The following IMMP2L variants were observed in gnomAD, a reference collection of about 807,000 sequenced individuals.
IMMP2L encodes the protein mitochondrial inner membrane protease subunit 2.
In IMMP2L, 18 loss-of-function variants were observed where a neutral mutation model predicts 19.3. The ratio of observed to expected loss-of-function variants is 0.93; its 90% CI spans 0.64 to 1.38. The LOEUF is 1.38. Among genes scored for constraint, IMMP2L ranks in the 40% most tolerant of loss-of-function variants. The pLI, the probability that IMMP2L is intolerant of heterozygous loss-of-function variation, is 0.00. For synonymous variants in IMMP2L, 76 were observed against 73.0 expected (o/e 1.04, Z -0.21); for missense variants, 233 against 218.2 (o/e 1.07, Z -0.43).
At chr7:111,102,338 T>C (rs191250877) in intron 3 of IMMP2L, among the ~76,000 whole-genome samples, 351 of 151,576 alleles carry the variant, frequency 2.3e-3, no homozygotes, top group Admixed American at 5.0e-3. Context: ...CTCAACCCTA[T>C]AGAGAAACTC....
At chr7:111,561,084 G>C (rs1791987672) in intron 1 of IMMP2L, among the ~76,000 whole-genome samples, 1 of 152,186 alleles carries the variant, frequency 6.6e-6, no homozygotes, top group Admixed American at 6.5e-5. Context: ...TGTGAGAGGA[G>C]CTGTGTTTCA....
intron 5 of IMMP2L, among the ~76,000 whole-genome samples, chr7:110,814,606 T>A (rs993996239): frequency 6.0e-5 from 9 of 150,406 alleles, no homozygotes; most frequent in Non-Finnish European, 1.2e-4. Context: ...TTTCTTTTTT[T>A]CTTCTATTTC....
chr7:111,304,355 A>T (rs909243790), intron 3 of IMMP2L, among the ~76,000 whole-genome samples: 3 of 152,060 alleles, frequency 2.0e-5, no homozygotes, highest in African/African-American at 7.2e-5. Flanking sequence ...AACAAAAAAT[A>T]TATGAATGGA....
At chr7:110,915,202 TAG>T in intron 4 of IMMP2L, among the ~76,000 whole-genome samples, 1 of 135,550 alleles carries the variant, frequency 7.4e-6, no homozygotes, top group East Asian at 2.0e-4. Context: ...TGTCCATCTA[TAG>T]ATTATCAGAT....
chr7:111,049,977 C>A (rs989893817), intron 3 of IMMP2L, among the ~76,000 whole-genome samples: 2 of 152,154 alleles, frequency 1.3e-5, no homozygotes, highest in African/African-American at 4.8e-5. Flanking sequence ...CCAAAGAAAT[C>A]TAAGAAACAG....
rs777862357 is a variant in IMMP2L, at chr7:111,556,018, G to GTGTATATATATATATATATATA, written c.-3+5832_-3+5833insTATATATATATATATATATACA. On this transcript the variant is annotated intron_variant, in intron 1 of 5. Transcript: ENST00000405709. ...TTAGCCATCCCTCTTCTGTGTGCATGTATATATATATATATATACATACCC... is the reference window on the plus strand; with the variant it reads ...TTAGCCATCCCTCTTCTGTGTGCATGTGTATATATATATATATATATATATATATATATATATATACATACCC... 2.2e-3 allele frequency among the ~76,000 whole-genome samples: 199 copies of GTGTATATATATATATATATATA among 91,358 alleles called. 8 individuals carry two copies. Among genetic ancestry groups the GTGTATATATATATATATATATA allele is most frequent in the Admixed American group, 5.4e-3 (40 of 7,396 alleles). 59.9% of individuals were successfully genotyped at this position (91,358 alleles called of 152,430 possible). A position where few individuals can be genotyped will look rare whatever the true frequency, so the allele number is the denominator to read the frequency against.
chr7:111,169,820 T>C (rs1403404984), intron 3 of IMMP2L, among the ~76,000 whole-genome samples: 2 of 151,920 alleles, frequency 1.3e-5, no homozygotes, highest in Admixed American at 1.3e-4. Flanking sequence ...AATTCATTCA[T>C]GAAGAAATGT....
chr7:111,539,220 AAG>A (rs1848268351), intron 1 of IMMP2L, among the ~76,000 whole-genome samples: 1 of 116,224 alleles, frequency 8.6e-6, no homozygotes, highest in Non-Finnish European at 1.8e-5. Context: ...GAAAGAAAGA[AAG>A]AAAGAAAGAA....
chr7:111,365,044 AC>A (rs1159070535), intron 3 of IMMP2L, among the ~76,000 whole-genome samples: 1 of 152,112 alleles, frequency 6.6e-6, no homozygotes, highest in Non-Finnish European at 1.5e-5. Context: ...ATCCATTATA[AC>A]AAAAAGTACA....
At chr7:111,164,354 C>G (rs1257780354) in intron 3 of IMMP2L, among the ~76,000 whole-genome samples, 2 of 151,286 alleles carry the variant, frequency 1.3e-5, no homozygotes, top group East Asian at 3.9e-4. Context: ...GACAAGTAAG[C>G]AGCAGAGGGA....
chr7:111,453,882 G>T (rs1184575563), intron 3 of IMMP2L, among the ~76,000 whole-genome samples: 4 of 152,110 alleles, frequency 2.6e-5, no homozygotes, highest in African/African-American at 9.7e-5. Context: ...TAAGTTAATG[G>T]ATCAATGAGT....
At chr7:110,679,181 A>G (rs1427714507) in intron 5 of IMMP2L, among the ~76,000 whole-genome samples, 4 of 152,126 alleles carry the variant, frequency 2.6e-5, no homozygotes, top group Non-Finnish European at 5.9e-5. Flanking sequence ...CTCCGGGGGT[A>G]TCTCCAGCTA....
chr7:111,556,018 G>GTGTGTGTATATATATATATATATA lies in IMMP2L; in HGVS notation c.-3+5832_-3+5833insTATATATATATATATATACACACA, dbSNP rs777862357. ...TTAGCCATCCCTCTTCTGTGTGCAT[G>GTGTGTGTATATATATATATATATA]TATATATATATATATATACATACCC... On this transcript the variant is annotated intron_variant, in intron 1 of 5. Coordinates refer to ENST00000405709, the MANE Select transcript of IMMP2L (RefSeq NM_032549.4). 6.2e-3 allele frequency among the ~76,000 whole-genome samples: 567 copies of GTGTGTGTATATATATATATATATA among 91,312 alleles called. 22 individuals carry two copies. Among genetic ancestry groups the GTGTGTGTATATATATATATATATA allele is most frequent in the African/African-American group, 7.3e-3 (201 of 27,614 alleles). The allele number at this position is 91,312 out of a possible 152,430, so 59.9% of individuals were successfully genotyped here.
At chr7:110,688,778 G>C (rs1453650130) in intron 5 of IMMP2L, among the ~76,000 whole-genome samples, 2 of 151,972 alleles carry the variant, frequency 1.3e-5, no homozygotes, top group Non-Finnish European at 2.9e-5. Context: ...ACTGTGAATA[G>C]TGAAATCTTA....
intron 3 of IMMP2L, among the ~76,000 whole-genome samples, chr7:110,982,955 C>G (rs1476166918): frequency 6.6e-6 from 1 of 151,982 alleles, no homozygotes; most frequent in East Asian, 1.9e-4. Flanking sequence ...GATTAAAGAT[C>G]ATTAATTATA....
At chr7:111,101,625 CT>C (rs1797990229) in intron 3 of IMMP2L, among the ~76,000 whole-genome samples, 1 of 151,126 alleles carries the variant, frequency 6.6e-6, no homozygotes, top group South Asian at 2.1e-4. Flanking sequence ...GGTATACTGT[CT>C]TGTATATTTC....
chr7:110,893,553 A>G (rs577327282), intron 4 of IMMP2L, among the ~76,000 whole-genome samples: 2 of 152,298 alleles, frequency 1.3e-5, no homozygotes, highest in South Asian at 2.1e-4. Flanking sequence ...AGATGTTTCT[A>G]ATTTTTGACT....
chr7:111,308,121 G>A (rs1312662903), intron 3 of IMMP2L, among the ~76,000 whole-genome samples: 2 of 151,732 alleles, frequency 1.3e-5, no homozygotes, highest in African/African-American at 4.8e-5. Context: ...AAGATTATTT[G>A]CTTCAATCAA....
chr7:110,713,279 T>C (rs995340303), intron 5 of IMMP2L, among the ~76,000 whole-genome samples: 1 of 152,192 alleles, frequency 6.6e-6, no homozygotes, highest in African/African-American at 2.4e-5. Flanking sequence ...TGTCTGTTTT[T>C]GTACTAGTAC....
Sources: gnomAD v4.1 joint callset for allele counts (sites outside exome capture counted in the v4.1 genomes callset) on GRCh38, gnomAD v4.1.1 for gene constraint, MANE v1.5 for transcripts, NCBI Gene and HGNC (gene_info 2026-07-23, HGNC 2026-07-21) for gene names.